Variants in TMCC1 observed in about 807,000 individuals in gnomAD.
TMCC1 encodes the protein transmembrane and coiled-coil domain family 1.
TMCC1 carries 15 observed loss-of-function variants against 52.4 expected under a neutral mutation model. That is an observed-to-expected ratio of 0.29 (90% CI 0.19 to 0.44). TMCC1 has a LOEUF of 0.44. Among genes scored for constraint, TMCC1 ranks in the 20% least tolerant of loss-of-function variants. The pLI is 1.00. For synonymous variants in TMCC1, 279 were observed against 301.9 expected (o/e 0.92, Z 0.79); for missense variants, 503 against 806.0 (o/e 0.62, Z 4.55).
intron 4 of TMCC1, among the ~76,000 whole-genome samples, chr3:129,707,510 A>C (rs949504050): frequency 2.0e-5 from 3 of 152,262 alleles, no homozygotes; most frequent in African/African-American, 7.2e-5. Flanking sequence ...AACATGGAAT[A>C]GTCTTTAGTT....
chr3:129,813,771 T>C (rs541107210), intron 4 of TMCC1, among the ~76,000 whole-genome samples: 45 of 150,964 alleles, frequency 3.0e-4, no homozygotes, highest in Non-Finnish European at 5.3e-4. Context: ...TTAACAAACC[T>C]ACCCATGCAC....
At chr3:129,852,760 T>C (rs905178048) in intron 2 of TMCC1, among the ~76,000 whole-genome samples, 16 of 152,198 alleles carry the variant, frequency 1.1e-4, no homozygotes, top group African/African-American at 3.6e-4. Flanking sequence ...ATAAACCGGC[T>C]AGCATAAAGA....
At chr3:129,776,995 C>A (rs2055092096) in intron 4 of TMCC1, among the ~76,000 whole-genome samples, 1 of 152,108 alleles carries the variant, frequency 6.6e-6, no homozygotes, top group African/African-American at 2.4e-5. Flanking sequence ...TCAATCGAGT[C>A]AGGTATACAT....
chr3:129,766,937 T>C (rs2054175110), intron 4 of TMCC1, among the ~76,000 whole-genome samples: 1 of 151,852 alleles, frequency 6.6e-6, no homozygotes, highest in Admixed American at 6.6e-5. Context: ...ATAAATCTTA[T>C]GATAAATTGT....
chr3:129,783,022 G>A (rs1467073210), intron 4 of TMCC1, among the ~76,000 whole-genome samples: 2 of 152,242 alleles, frequency 1.3e-5, no homozygotes, highest in Non-Finnish European at 1.5e-5. Context: ...AACAGGCAAC[G>A]TGATTCCTGA....
At chr3:129,675,028 C>T (rs772341600) in intron 4 of TMCC1, among the ~76,000 whole-genome samples, 11 of 152,010 alleles carry the variant, frequency 7.2e-5, no homozygotes, top group Non-Finnish European at 1.3e-4. Context: ...TTAGTAGAGA[C>T]GGGGTTTCAC....
intron 2 of TMCC1, among the ~76,000 whole-genome samples, chr3:129,842,889 T>G (rs1017042587): frequency 6.6e-5 from 10 of 152,146 alleles, no homozygotes; most frequent in African/African-American, 1.9e-4. Context: ...TAAAAAATAC[T>G]TGCAAAGTAA....
chr3:129,764,776 TATATATATATATA>T (rs1442113439), intron 4 of TMCC1, among the ~76,000 whole-genome samples: 4 of 69,770 alleles, frequency 5.7e-5, no homozygotes, highest in African/African-American at 2.7e-4. Flanking sequence ...TATATATATA[TATATATATATATA>T]TTTTTTTTTT....
chr3:129,875,590 A>T (rs1339205600), intron 2 of TMCC1, among the ~76,000 whole-genome samples: 1 of 151,488 alleles, frequency 6.6e-6, no homozygotes, highest in Non-Finnish European at 1.5e-5. Flanking sequence ...CCAATCTGTT[A>T]TTTCATTTCC....
intron 2 of TMCC1, among the ~76,000 whole-genome samples, chr3:129,836,702 G>T (rs970345284): frequency 6.6e-6 from 1 of 152,240 alleles, no homozygotes; most frequent in African/African-American, 2.4e-5. Context: ...TCCCAGTGCA[G>T]ATAGGAAGAT....
intron 4 of TMCC1, among the ~76,000 whole-genome samples, chr3:129,705,210 C>T (rs2048131439): frequency 1.3e-5 from 2 of 152,052 alleles, no homozygotes; most frequent in African/African-American, 2.4e-5. Context: ...TAGTGAGGAA[C>T]GAAAAGGAGG....
At chr3:129,812,967 TAAATC>T in intron 4 of TMCC1, among the ~76,000 whole-genome samples, 1 of 152,132 alleles carries the variant, frequency 6.6e-6, no homozygotes, top group Non-Finnish European at 1.5e-5. Context: ...ATAAGGAACT[TAAATC>T]AGACAACCCT....
chr3:129,787,593 T>TA (rs906098711), intron 4 of TMCC1, among the ~76,000 whole-genome samples: 7 of 152,010 alleles, frequency 4.6e-5, no homozygotes, highest in South Asian at 2.1e-4. Context: ...GCCAAAATGA[T>TA]AAAAAAAAGA....
intron 4 of TMCC1, among the ~76,000 whole-genome samples, chr3:129,748,467 T>C (rs1242743352): frequency 2.6e-5 from 4 of 152,096 alleles, no homozygotes; most frequent in Non-Finnish European, 4.4e-5. Context: ...TTTGTATTTT[T>C]AGGAGAGACA....
chr3:129,733,957 A>T (rs2050739788), intron 4 of TMCC1, among the ~76,000 whole-genome samples: 2 of 152,320 alleles, frequency 1.3e-5, no homozygotes, highest in Admixed American at 1.3e-4. Flanking sequence ...CACTACTGAT[A>T]GGAATAAGTT....
At chr3:129,653,276 A>G (rs1223951244) in intron 6 of TMCC1, among the ~76,000 whole-genome samples, 1 of 152,212 alleles carries the variant, frequency 6.6e-6, no homozygotes, top group East Asian at 1.9e-4. Flanking sequence ...TTCTTTGAAC[A>G]TGCTTCCTTA....
chr3:129,754,141 C>T (rs950120877), intron 4 of TMCC1, among the ~76,000 whole-genome samples: 3 of 152,118 alleles, frequency 2.0e-5, no homozygotes, highest in Non-Finnish European at 4.4e-5. Flanking sequence ...ACAGCCCCCT[C>T]CCATTAAAGG....
intron 4 of TMCC1, among the ~76,000 whole-genome samples, chr3:129,693,503 ATT>A (rs11433105): frequency 6.6e-5 from 8 of 121,986 alleles, no homozygotes; most frequent in Admixed American, 9.3e-5. Context: ...CCAAGATTGA[ATT>A]TTTTTTTTTT....
At chr3:129,685,465 A>T (rs928545536) in intron 4 of TMCC1, among the ~76,000 whole-genome samples, 3 of 152,190 alleles carry the variant, frequency 2.0e-5, no homozygotes, top group African/African-American at 7.2e-5. Context: ...AACAATAAAA[A>T]TGAGCCTTGA....
Sources: gnomAD v4.1 joint callset for allele counts (sites outside exome capture counted in the v4.1 genomes callset) on GRCh38, gnomAD v4.1.1 for gene constraint, MANE v1.5 for transcripts, NCBI Gene and HGNC (gene_info 2026-07-23, HGNC 2026-07-21) for gene names.